The following SLCO2B1 variants were observed in gnomAD, a reference collection of about 807,000 sequenced individuals.
SLCO2B1 encodes solute carrier organic anion transporter family member 2B1, also known as OATP-RP2.
A neutral mutation model predicts 67.3 loss-of-function variants in SLCO2B1; 41 were observed. The ratio of observed to expected loss-of-function variants is 0.61; its 90% CI spans 0.47 to 0.79. The LOEUF is 0.79. Ranked by LOEUF, SLCO2B1 falls within the 30% of genes least tolerant of loss-of-function variation. The pLI is 0.00. For missense variants in SLCO2B1, 837 were observed against 920.1 expected, an observed-to-expected ratio of 0.91 and a Z score of 1.17; for synonymous variants, 379 against 381.4, an observed-to-expected ratio of 0.99 and a Z score of 0.07.
intron 1 of SLCO2B1, 65 bp downstream of exon 1, chr11:75,151,462 A>C: frequency 6.3e-7 from 1 of 1,575,530 alleles, no homozygotes; most frequent in South Asian, 1.1e-5. Flanking sequence ...TCCCAGAGAA[A>C]AGGGTGAGGC....
chr11:75,176,410 C>A (rs1950024133), intron 7 of SLCO2B1, among the ~76,000 whole-genome samples: 1 of 152,182 alleles, frequency 6.6e-6, no homozygotes. Context: ...ACCATAGAGA[C>A]CAGGAGTCTG....
In SLCO2B1 at chr11:75,152,911, G is replaced by A. The variant is rs552450668; in HGVS notation, c.16+1514G>A. 2.0e-5 allele frequency among the ~76,000 whole-genome samples: 3 copies of A among 152,288 alleles called. No individual in the cohort carries two copies. The East Asian group carries it at 5.8e-4, about 29-fold the overall frequency. Reference sequence around the variant, plus strand: ...GTAGGACACAGAGCCTGCAGCCTGGGAAGAGTCCCCAAGGGAGAGGGGAAG... The same window carrying A: ...GTAGGACACAGAGCCTGCAGCCTGGAAAGAGTCCCCAAGGGAGAGGGGAAG... On this transcript the variant is annotated intron_variant, in intron 1 of 13. Coordinates refer to ENST00000289575, the MANE Select transcript of SLCO2B1 (RefSeq NM_007256.5).
chr11:75,170,936 C>T (rs952711765), intron 6 of SLCO2B1, among the ~76,000 whole-genome samples: 1 of 152,166 alleles, frequency 6.6e-6, no homozygotes, highest in African/African-American at 2.4e-5. Flanking sequence ...TGTGGACCGA[C>T]CTGCCACCTC....
At chr11:75,162,157 C>T (rs115202908) in intron 1 of SLCO2B1, among the ~76,000 whole-genome samples, 2,935 of 152,220 alleles carry the variant, frequency 0.019, 81 homozygotes, top group African/African-American at 0.064. Flanking sequence ...CCAGAAAAGC[C>T]TTTATTCCCT....
intron 11 of SLCO2B1, chr11:75,201,767 C>T (rs1426052995): frequency 6.6e-6 from 1 of 152,262 alleles, no homozygotes; most frequent in Non-Finnish European, 1.5e-5. Flanking sequence ...CTTTCATGCC[C>T]TCCCTGGCTG....
intron 4 of SLCO2B1, 27 bp downstream of exon 4, chr11:75,165,976 G>A (rs1949886266): frequency 1.9e-6 from 3 of 1,606,066 alleles, no homozygotes; most frequent in East Asian, 4.5e-5. Flanking sequence ...CTGGGCAGGA[G>A]TGGGACGTTA....
intron 6 of SLCO2B1, among the ~76,000 whole-genome samples, chr11:75,170,342 G>A (rs1356206611): frequency 6.6e-6 from 1 of 152,220 alleles, no homozygotes; most frequent in Non-Finnish European, 1.5e-5. Context: ...CACCATTTGG[G>A]AAAGAGTAGT....
At chr11:75,160,911 A>G (rs1949812290) in intron 1 of SLCO2B1, among the ~76,000 whole-genome samples, 1 of 152,236 alleles carries the variant, frequency 6.6e-6, no homozygotes, top group Non-Finnish European at 1.5e-5. Context: ...GATGGCTATA[A>G]TTGAAAAGGC....
At chr11:75,152,914 G>A (rs957585778) in intron 1 of SLCO2B1, among the ~76,000 whole-genome samples, 10 of 152,290 alleles carry the variant, frequency 6.6e-5, no homozygotes, top group Admixed American at 3.3e-4. Flanking sequence ...AGCCTGGGAA[G>A]AGTCCCCAAG....
Position 75,170,468 on chromosome 11 carries a change from G to A in SLCO2B1, c.781+704G>A, listed in dbSNP as rs142442163. On this transcript the variant is annotated intron_variant, in intron 6 of 13. Coordinates refer to ENST00000289575, the MANE Select transcript of SLCO2B1 (RefSeq NM_007256.5). ...AGGGTTCTGGAGTCCTTGGAGAGCA[G>A]TAGCGTACTCCTGTTAGAGCACGTC... Among the ~76,000 whole-genome samples the A allele has an allele frequency of 7.1e-3, 1,082 of 152,254 alleles. 10 individuals are homozygous for A. Among genetic ancestry groups the A allele is most frequent in the African/African-American group, 0.024 (1,000 of 41,522 alleles).
rs2306168 is a variant in SLCO2B1, at chr11:75,196,537, C to T, written c.1457C>T (p.Ser486Phe). The change falls in exon 10 of 14, where the codon TCT becomes TTT. Residue 486 changes from serine to phenylalanine, a missense_variant. By Grantham distance (155) the Ser-to-Phe change is radical. Coordinates refer to ENST00000289575, the MANE Select transcript of SLCO2B1 (RefSeq NM_007256.5). ...QTSAHPGLEL[S>F]PSCMEACSCP... ...AGTGCCCACCCTGGGCTGGAGCTGT[C>T]TCCAAGCTGCATGGAGGCCTGCTCC... 83,911 of 1,613,876 alleles carry T rather than the reference C, an allele frequency of 0.052. 7,253 individuals carry two copies. Among genetic ancestry groups the T allele is most frequent in the African/African-American group, 0.34 (25,136 of 74,978 alleles).
At chr11:75,192,588 GAA>G (rs1285893215) in intron 8 of SLCO2B1, among the ~76,000 whole-genome samples, 1 of 151,982 alleles carries the variant, frequency 6.6e-6, no homozygotes, top group Non-Finnish European at 1.5e-5. Flanking sequence ...ACGTAGAGTA[GAA>G]AAAATGAAAT....
intron 7 of SLCO2B1, among the ~76,000 whole-genome samples, chr11:75,186,345 A>T (rs2140330490): frequency 6.6e-6 from 1 of 151,696 alleles, no homozygotes; most frequent in South Asian, 2.1e-4. Context: ...AGTAGCTGGG[A>T]TTACAGGCAT....
intron 10 of SLCO2B1, 135 bp from the exon 11 acceptor site, chr11:75,200,089 C>A: frequency 1.1e-6 from 1 of 875,164 alleles, no homozygotes. Flanking sequence ...GGGTCACGAT[C>A]TCGGACTCCC....
At chr11:75,163,634 G>T (rs1037935825) in intron 2 of SLCO2B1, among the ~76,000 whole-genome samples, 1 of 152,054 alleles carries the variant, frequency 6.6e-6, no homozygotes, top group Non-Finnish European at 1.5e-5. Flanking sequence ...CTCTTCAATA[G>T]CCCCCAGGCT....
intron 1 of SLCO2B1, among the ~76,000 whole-genome samples, chr11:75,158,847 G>A (rs1003617237): frequency 6.6e-6 from 1 of 152,170 alleles, no homozygotes; most frequent in Non-Finnish European, 1.5e-5. Flanking sequence ...CTTTGCTGCT[G>A]GGAGGCAGCC....
chr11:75,174,127 T>C (rs890330531), intron 7 of SLCO2B1, among the ~76,000 whole-genome samples: 1 of 152,194 alleles, frequency 6.6e-6, no homozygotes, highest in Non-Finnish European at 1.5e-5. Context: ...AAGCCAGTAA[T>C]GTCAAGTTCA....
In SLCO2B1 at chr11:75,188,255, C is replaced by T. The variant is rs374916877; in HGVS notation, c.1075+17C>T. 6.4e-7 allele frequency: 1 copy of T among 1,573,672 alleles called. No individual in the cohort carries two copies. Among genetic ancestry groups the T allele is most frequent in the Admixed American group, 1.7e-5 (1 of 59,902 alleles). Reference sequence around the variant, plus strand: ...TCATTAAAGGTAAGTCAGCTCAGACCAGGTTATGGGGAGCCAGGGCCAGAG... The same window carrying T: ...TCATTAAAGGTAAGTCAGCTCAGACTAGGTTATGGGGAGCCAGGGCCAGAG... On this transcript the variant is annotated intron_variant, in intron 8 of 13. Coordinates refer to ENST00000289575, the MANE Select transcript of SLCO2B1 (RefSeq NM_007256.5).
At position 75,204,390 on chromosome 11, in the gene SLCO2B1, C is replaced by A; in HGVS notation, c.1950-10C>A. The A allele has an allele frequency of 6.3e-7, 1 of 1,593,268 alleles. No homozygotes were observed. Among genetic ancestry groups the A allele is most frequent in the South Asian group, 1.1e-5 (1 of 87,484 alleles). ...GCTCTTGAGTTCAAGGGTCCCCATT[C>A]TTTCCCCAGGTTCATCGGCCTCCAG... is the stretch of plus-strand genomic sequence containing the variant. On this transcript the variant is annotated splice_polypyrimidine_tract_variant and intron_variant, in intron 13 of 13. Coordinates refer to ENST00000289575, the MANE Select transcript of SLCO2B1 (RefSeq NM_007256.5).
Sources: gnomAD v4.1 joint callset for allele counts (sites outside exome capture counted in the v4.1 genomes callset) on GRCh38, gnomAD v4.1.1 for gene constraint, MANE v1.5 for transcripts, NCBI Gene and HGNC (gene_info 2026-07-23, HGNC 2026-07-21) for gene names.